The following CCNY variants were observed in gnomAD, a reference collection of about 807,000 sequenced individuals.
CCNY encodes the protein cyclin-Y.
In CCNY, 19 loss-of-function variants were observed where a neutral mutation model predicts 42.8. The ratio of observed to expected loss-of-function variants is 0.44; its 90% CI spans 0.31 to 0.65. CCNY has a LOEUF of 0.65. CCNY is among the 30% of genes least tolerant of loss of function. CCNY has a pLI of 0.07. For missense variants in CCNY, 370 were observed against 437.3 expected, an observed-to-expected ratio of 0.85 and a Z score of 1.37; for synonymous variants, 165 against 162.7, an observed-to-expected ratio of 1.01 and a Z score of -0.11.
chr10:35,301,978 T>TTTA (rs1564362557), intron 3 of CCNY, among the ~76,000 whole-genome samples: 25 of 150,832 alleles, frequency 1.7e-4, no homozygotes, highest in African/African-American at 5.7e-4. Flanking sequence ...TTATTTATTT[T>TTTA]TTGAGGCGGA....
chr10:35,346,301 G>A (rs1299038663), intron 1 of CCNY, among the ~76,000 whole-genome samples: 2 of 152,194 alleles, frequency 1.3e-5, no homozygotes, highest in Admixed American at 6.5e-5. Flanking sequence ...TTGGCTCTGT[G>A]TGTTGCTGGT....
rs138231549 is a variant in CCNY, at chr10:35,355,571, G to T, written c.154+18364G>T. Among the ~76,000 whole-genome samples, 102 of 151,098 alleles carry T rather than the reference G, an allele frequency of 6.8e-4. 1 individual carries two copies. Among genetic ancestry groups the T allele is most frequent in the Non-Finnish European group, 1.2e-3 (80 of 67,856 alleles). ...CGCATGCCTGTAGTCCCAGCTACTC[G>T]GGAGGCTGAGGCAGAAGAATCGCTT... On this transcript the variant is annotated intron_variant, in intron 1 of 9. Transcript: ENST00000374704.
chr10:35,512,354 G>C lies in CCNY; in HGVS notation c.265-4169G>C, dbSNP rs11010215. 1.1e-3 allele frequency among the ~76,000 whole-genome samples: 165 copies of C among 152,244 alleles called. 1 individual carries two copies. The Middle Eastern group carries it at 0.014, about 13-fold the overall frequency. On this transcript the variant is annotated intron_variant, in intron 3 of 9. Coordinates refer to ENST00000374704, the MANE Select transcript of CCNY (RefSeq NM_145012.6). ...GAGGGGAGAAGGAAGTTGAATTAAT[G>C]AGAGTGGGTGAGAGTCCCCTGGGAA... is the stretch of plus-strand genomic sequence containing the variant.
At chr10:35,342,372 C>T (rs905011559) in intron 1 of CCNY, among the ~76,000 whole-genome samples, 2 of 152,238 alleles carry the variant, frequency 1.3e-5, no homozygotes, top group African/African-American at 4.8e-5. Context: ...GCCCTGCTGT[C>T]TGCAAGGTAT....
intron 3 of CCNY, among the ~76,000 whole-genome samples, chr10:35,316,155 C>T (rs1835757042): frequency 6.6e-6 from 1 of 151,480 alleles, no homozygotes; most frequent in Non-Finnish European, 1.5e-5. Flanking sequence ...TTTAGTGATG[C>T]ACTGTTGTGA....
intron 1 of CCNY, among the ~76,000 whole-genome samples, chr10:35,385,804 A>G (rs114007776): frequency 0.015 from 2,326 of 152,278 alleles, 51 homozygotes; most frequent in African/African-American, 0.053. Flanking sequence ...TCTTCCACGA[A>G]TGAGATATTT....
chr10:35,493,028 A>C (rs970098008), intron 2 of CCNY, among the ~76,000 whole-genome samples: 1 of 152,048 alleles, frequency 6.6e-6, no homozygotes, highest in African/African-American at 2.4e-5. Context: ...TTTCTTGGCC[A>C]GGCCTCGCCC....
intron 1 of CCNY, among the ~76,000 whole-genome samples, chr10:35,375,506 C>G (rs1837032453): frequency 6.6e-6 from 1 of 152,152 alleles, no homozygotes; most frequent in Non-Finnish European, 1.5e-5. Context: ...AGCCTTAATT[C>G]CCATTTGCTA....
At position 35,540,564 on chromosome 10, in the gene CCNY, C is replaced by CTTTTTTTTT. The variant is rs561129843; in HGVS notation, c.579+10325_579+10333dup. ...AACAAATTGAGAAATATTCCTTCTA[C>CTTTTTTTTT]TTTTTTTTTTTTGAAGAGTTTGTGG... On this transcript the variant is annotated intron_variant, in intron 7 of 9. Transcript: ENST00000374704. Among the ~76,000 whole-genome samples, 967 of 144,750 alleles carry CTTTTTTTTT rather than the reference C, an allele frequency of 6.7e-3. 12 individuals are homozygous for CTTTTTTTTT. The highest frequency in any genetic ancestry group is 0.023 in the African/African-American group (925 of 39,438). The allele number at this position is 144,750 out of a possible 152,430, so 95.0% of individuals were successfully genotyped here.
intron 3 of CCNY, among the ~76,000 whole-genome samples, chr10:35,258,234 G>A (rs1012670994): frequency 1.3e-5 from 2 of 152,182 alleles, no homozygotes; most frequent in African/African-American, 2.4e-5. Flanking sequence ...TATGGTTTTT[G>A]TTTATTGTTG....
chr10:35,296,942 A>G (rs906847835), intron 3 of CCNY, among the ~76,000 whole-genome samples: 1 of 152,170 alleles, frequency 6.6e-6, no homozygotes, highest in Non-Finnish European at 1.5e-5. Context: ...TCTCCTCTCC[A>G]ACTCATTTTA....
chr10:35,426,501 A>C (rs1294046303), intron 1 of CCNY, among the ~76,000 whole-genome samples: 1 of 152,218 alleles, frequency 6.6e-6, no homozygotes, highest in Non-Finnish European at 1.5e-5. Flanking sequence ...AATACCGTCC[A>C]TGGGGTTTAG....
chr10:35,483,644 G>T (rs137976663), intron 2 of CCNY, among the ~76,000 whole-genome samples, 166 bp downstream of exon 2: 1 of 152,088 alleles, frequency 6.6e-6, no homozygotes, highest in Non-Finnish European at 1.5e-5. Flanking sequence ...TTCTTTTGCA[G>T]TGTTATGTTT....
At chr10:35,470,217 TTGGAGAGACAGACAGGGAGA>T (rs1283686572) in intron 1 of CCNY, among the ~76,000 whole-genome samples, 120 of 104,502 alleles carry the variant, frequency 1.1e-3, no homozygotes, top group Admixed American at 2.4e-3. Flanking sequence ...AGACAGGGAG[TTGGAGAGACAGACAGGGAGA>T]TGGAGAGACA....
intron 7 of CCNY, among the ~76,000 whole-genome samples, chr10:35,549,107 C>CA (rs1445030294): frequency 4.8e-5 from 7 of 145,516 alleles, no homozygotes; most frequent in African/African-American, 1.8e-4. Flanking sequence ...CACCCCACCC[C>CA]CCCCCGCCCC....
intron 3 of CCNY, among the ~76,000 whole-genome samples, chr10:35,322,005 T>C (rs1478458174): frequency 6.6e-6 from 1 of 152,188 alleles, no homozygotes; most frequent in Non-Finnish European, 1.5e-5. Flanking sequence ...GAACATTGAT[T>C]ATTAACTTAC....
At chr10:35,469,157 A>G (rs1266933225) in intron 1 of CCNY, among the ~76,000 whole-genome samples, 4 of 152,226 alleles carry the variant, frequency 2.6e-5, no homozygotes, top group Non-Finnish European at 5.9e-5. Context: ...AGCTCACACA[A>G]CTGGATAGCC....
intron 1 of CCNY, among the ~76,000 whole-genome samples, chr10:35,428,913 T>TG (rs1838326452): frequency 1.3e-5 from 2 of 152,234 alleles, no homozygotes; most frequent in South Asian, 4.1e-4. Flanking sequence ...AGCAAGCCTT[T>TG]GGGCCCCTTA....
chr10:35,446,927 T>C (rs559745167), intron 1 of CCNY, among the ~76,000 whole-genome samples: 33 of 152,386 alleles, frequency 2.2e-4, no homozygotes, highest in African/African-American at 6.5e-4. Context: ...ATGTAATTTT[T>C]AGATAAATTG....
Sources: gnomAD v4.1 joint callset for allele counts (sites outside exome capture counted in the v4.1 genomes callset) on GRCh38, gnomAD v4.1.1 for gene constraint, MANE v1.5 for transcripts, NCBI Gene and HGNC (gene_info 2026-07-23, HGNC 2026-07-21) for gene names.